Variants in ALYREF observed in about 807,000 individuals in gnomAD.
ALYREF encodes Aly/REF export factor, also known as THO complex subunit 4.
ALYREF carries 1 observed loss-of-function variant against 25.2 expected under a neutral mutation model. That is an observed-to-expected ratio of 0.04 (90% CI 0.01 to 0.19). The LOEUF (loss-of-function observed/expected upper bound fraction) is 0.19. Ranked by LOEUF, ALYREF falls within the 10% of genes least tolerant of loss-of-function variation. ALYREF has a pLI of 1.00. For synonymous variants in ALYREF, 193 were observed against 153.5 expected (o/e 1.26, Z -1.90); for missense variants, 328 against 375.6 (o/e 0.87, Z 1.05).
intron 2 of ALYREF, 108 bp downstream of exon 2, chr17:81,890,581 G>C: frequency 6.6e-7 from 1 of 1,512,612 alleles, no homozygotes; most frequent in Admixed American, 1.9e-5. Context: ...TTCAGAGCTG[G>C]GAGGGCTCCC....
In ALYREF at chr17:81,888,448, C is replaced by G; in HGVS notation, c.603-30G>C. On this transcript the variant is annotated intron_variant, in intron 4 of 5. Coordinates refer to ENST00000505490, the MANE Select transcript of ALYREF (RefSeq NM_005782.4). This position sits in a 1 kb window ranked among gnomAD's most constrained non-coding sequence, Gnocchi z 5.8. ...CAAGGAAGACGAAACCGTTCACACA[C>G]CCGGAAGGACCCTAAGAGCGACGCA... The G allele has an allele frequency of 6.2e-7, 1 of 1,603,400 alleles. No individual in the cohort carries two copies. The highest frequency in any genetic ancestry group is 8.5e-7 in the Non-Finnish European group (1 of 1,172,530).
chr17:81,889,027 G>A, intron 3 of ALYREF, 155 bp downstream of exon 3: 1 of 1,456,164 alleles, frequency 6.9e-7, no homozygotes, highest in Non-Finnish European at 9.1e-7. Flanking sequence ...CCAGATGTGT[G>A]GGGCAGCATG....
chr17:81,887,972 A>G lies in ALYREF; in HGVS notation c.*159T>C, dbSNP rs1472726947. 48 of 799,450 alleles carry G rather than the reference A, an allele frequency of 6.0e-5. No individual in the cohort carries two copies. Among genetic ancestry groups the G allele is most frequent in the Middle Eastern group, 4.1e-4 (1 of 2,450 alleles). The allele number at this position is 799,450 out of a possible 1,614,324, so 49.5% of individuals were successfully genotyped here. On this transcript the variant is annotated 3_prime_UTR_variant, in exon 6 of 6. Coordinates refer to ENST00000505490, the MANE Select transcript of ALYREF (RefSeq NM_005782.4). ...TGTTTCAGAATTAAAAAAAAAAAAA[A>G]AGAAAAAAAAAAAACCTTTACATGA...
In ALYREF at chr17:81,889,402, C is replaced by T; in HGVS notation, c.391-73G>A. The T allele has an allele frequency of 1.9e-6, 3 of 1,565,424 alleles. No individual in the cohort carries two copies. In the Admixed American group the frequency reaches 5.1e-5, roughly 26 times the overall value. Reference sequence around the variant, plus strand: ...CCTTCTGGTGGCCCAGGGACAGGCCCTGGAAGCGTGAGTTGCTTTGGGGGT... The same window carrying T: ...CCTTCTGGTGGCCCAGGGACAGGCCTTGGAAGCGTGAGTTGCTTTGGGGGT... On this transcript the variant is annotated intron_variant, in intron 2 of 5. Transcript: ENST00000505490.
intron 2 of ALYREF, among the ~76,000 whole-genome samples, chr17:81,890,276 C>A (rs534324992): frequency 1.1e-4 from 16 of 152,224 alleles, no homozygotes; most frequent in African/African-American, 3.9e-4. Flanking sequence ...CAAACAGAGC[C>A]AGAAAAACAG....
At chr17:81,891,151 C>G (rs1011352145) in intron 1 of ALYREF, 172 bp downstream of exon 1, 38 of 400,686 alleles carry the variant, frequency 9.5e-5, no homozygotes, top group Non-Finnish European at 1.5e-4. Context: ...GAAAGAACGA[C>G]CTCGCTCCCG....
rs1327834470 is a variant in ALYREF at position 81,888,750 on chromosome 17, C to T, written c.539-167G>A. 5 of 1,456,052 alleles carry T rather than the reference C, an allele frequency of 3.4e-6. No homozygotes were observed. The highest frequency in any genetic ancestry group is 4.5e-6 in the Non-Finnish European group (5 of 1,102,818). 90.2% of individuals were successfully genotyped at this position (1,456,052 alleles called of 1,614,324 possible). A position where few individuals can be genotyped will look rare whatever the true frequency, so the allele number is the denominator to read the frequency against. ...AGATACTGGTGGGAGAACAAAATGG[C>T]AAGGAAGCAACCCCACCAACACCTC... On this transcript the variant is annotated intron_variant, in intron 3 of 5. Transcript: ENST00000505490. This position sits in a 1 kb window ranked among gnomAD's most constrained non-coding sequence, Gnocchi z 5.8.
rs991663154 is a variant in ALYREF at position 81,888,593 on chromosome 17, A to G, written c.539-10T>C. The G allele has an allele frequency of 6.3e-7, 1 of 1,585,132 alleles. No homozygotes were observed. Among genetic ancestry groups the G allele is most frequent in the Non-Finnish European group, 8.6e-7 (1 of 1,164,566 alleles). On this transcript the variant is annotated splice_polypyrimidine_tract_variant and intron_variant, in intron 3 of 5. Coordinates refer to ENST00000505490, the MANE Select transcript of ALYREF (RefSeq NM_005782.4). This position sits in a 1 kb window ranked among gnomAD's most constrained non-coding sequence, Gnocchi z 5.8. ...ATGTTCATGGGGCGGCCTGCGGCAA[A>G]GAATACGAGAAGGCACGTTCTATTG...
At chr17:81,891,207 C>T in intron 1 of ALYREF, 116 bp downstream of exon 1, 1 of 783,428 alleles carries the variant, frequency 1.3e-6, no homozygotes, top group Non-Finnish European at 1.6e-6. Flanking sequence ...GACCTCCGGG[C>T]GGCCGCTCCA....
intron 2 of ALYREF, 146 bp downstream of exon 2, chr17:81,890,543 T>C: frequency 8.0e-7 from 1 of 1,251,646 alleles, no homozygotes; most frequent in Admixed American, 2.5e-5. Context: ...ACCCCGGCTT[T>C]ACTAGCACTG....
At position 81,889,277 on chromosome 17, in the gene ALYREF, C is replaced by T. The variant is rs2039471112; in HGVS notation, c.443G>A (p.Arg148His). Reference protein sequence around the residue: ...TLKKAAVHYDRSGRSLGTADV... With the variant: ...TLKKAAVHYDHSGRSLGTADV... ...TGCTGTTCCTAAGCTGCGACCAGAG[C>T]GATCATAGTGCACAGCCGCCTTCTT... Residue 148 changes from arginine to histidine, a missense_variant, in exon 3 of 6, where the codon CGC becomes CAC. Physicochemically the swap from Arg to His is conservative, Grantham distance 29. Transcript: ENST00000505490. The T allele has an allele frequency of 1.2e-6, 2 of 1,614,110 alleles. No individual in the cohort carries two copies. The highest frequency in any genetic ancestry group is 1.7e-5 in the Admixed American group (1 of 60,012).
At chr17:81,890,627 C>G in intron 2 of ALYREF, 62 bp downstream of exon 2, 1 of 1,588,648 alleles carries the variant, frequency 6.3e-7, no homozygotes, top group Non-Finnish European at 8.5e-7. Flanking sequence ...GGGCCACATC[C>G]CCAAAATCAC....
At chr17:81,889,393 G>T in intron 2 of ALYREF, 64 bp from the exon 3 acceptor site, 1 of 1,587,356 alleles carries the variant, frequency 6.3e-7, no homozygotes, top group Non-Finnish European at 8.6e-7. Flanking sequence ...GGTGGCCCAG[G>T]GACAGGCCCT....
intron 1 of ALYREF, 190 bp from the exon 2 acceptor site, chr17:81,891,010 C>G (rs868783531): frequency 2.1e-5 from 18 of 849,314 alleles, no homozygotes; most frequent in Middle Eastern, 7.1e-4. Flanking sequence ...GGCCGCACAA[C>G]TTCAGTTCCC....
At position 81,890,758 on chromosome 17, in the gene ALYREF, G is replaced by T; in HGVS notation, c.321C>A (p.Ala107=). 6.2e-7 allele frequency: 1 copy of T among 1,614,082 alleles called. No homozygotes were observed. The highest frequency in any genetic ancestry group is 8.5e-7 in the Non-Finnish European group (1 of 1,180,022). Residue 107 remains alanine, a synonymous_variant, in exon 2 of 6, where the codon GCC becomes GCA. Coordinates refer to ENST00000505490, the MANE Select transcript of ALYREF (RefSeq NM_005782.4). ...DLFDSGFGGG[A]GVETGGKLLV... is the part of the protein sequence containing the mutation. ...GCAGTTTCCCACCTGTCTCCACGCC[G>T]GCACCACCGCCGAAGCCACTGTCGA...
intron 1 of ALYREF, 89 bp from the exon 2 acceptor site, chr17:81,890,909 C>T: frequency 3.8e-6 from 6 of 1,577,522 alleles, no homozygotes; most frequent in Non-Finnish European, 3.5e-6. Flanking sequence ...CCTTCCTCTT[C>T]CCGGCCTGAG....
Position 81,891,356 on chromosome 17 carries a change from T to C in ALYREF, c.225A>G (p.Gly75=). The C allele has an allele frequency of 1.7e-6, 2 of 1,150,686 alleles. No individual in the cohort carries two copies. Among genetic ancestry groups the C allele is most frequent in the Admixed American group, 4.5e-5 (1 of 22,136 alleles). The allele number at this position is 1,150,686 out of a possible 1,614,324, so 71.3% of individuals were successfully genotyped here. ...RPAIARGAAG[G]GGRNRPAPYS... is the part of the protein sequence containing the mutation. ...AGGGCGCCGGTCGGTTCCTGCCGCC[T>C]CCGCCGGCCGCGCCGCGGGCGATGG... is the stretch of plus-strand genomic sequence containing the variant. The change falls in exon 1 of 6, where the codon GGA becomes GGG. Residue 75 remains glycine, a synonymous_variant. Coordinates refer to ENST00000505490, the MANE Select transcript of ALYREF (RefSeq NM_005782.4).
chr17:81,891,268 C>A, intron 1 of ALYREF, 55 bp downstream of exon 1: 1 of 1,099,698 alleles, frequency 9.1e-7, no homozygotes, highest in South Asian at 3.8e-5. Context: ...CGGCCCCGGC[C>A]CCAGCCCCGG....
rs2039513654 is a variant in ALYREF, at chr17:81,891,028, A to G, written c.259-208T>C. ...CGCACAACTTCAGTTCCCTTAGACT[A>G]ACTTCCCGCCGCCTGTGCCGCGCCC... On this transcript the variant is annotated intron_variant, in intron 1 of 5. Transcript: ENST00000505490. 4 of 763,810 alleles carry G rather than the reference A, an allele frequency of 5.2e-6. No homozygotes were observed. In the South Asian group the frequency reaches 7.5e-5, roughly 14 times the overall value. The allele number at this position is 763,810 out of a possible 1,614,324, so 47.3% of individuals were successfully genotyped here.
Sources: allele counts gnomAD v4.1 joint callset (sites outside exome capture counted in the v4.1 genomes callset), GRCh38; gene constraint gnomAD v4.1.1; non-coding constraint Gnocchi (gnomAD v3.1); transcripts MANE v1.5; gene names NCBI Gene and HGNC (gene_info 2026-07-23, HGNC 2026-07-21).